The following ZNF266 variants were observed in gnomAD, a reference collection of about 807,000 sequenced individuals.
ZNF266 encodes the protein zinc finger protein 1.
A neutral mutation model predicts 16.4 loss-of-function variants in ZNF266; 16 were observed. The observed-to-expected ratio is 0.98, with a 90% CI of 0.66 to 1.48. The LOEUF (loss-of-function observed/expected upper bound fraction) is 1.48, where lower values mean the gene tolerates loss of function less well. Among genes scored for constraint, ZNF266 ranks in the 40% most tolerant of loss-of-function variants. The pLI, the probability that ZNF266 is intolerant of heterozygous loss-of-function variation, is 0.00. For synonymous variants in ZNF266, 262 were observed against 237.9 expected (o/e 1.10, Z -0.93); for missense variants, 738 against 689.1 (o/e 1.07, Z -0.79).
chr19:9,432,214 C>T (rs988997924), intron 5 of ZNF266, among the ~76,000 whole-genome samples: 1 of 152,220 alleles, frequency 6.6e-6, no homozygotes, highest in Non-Finnish European at 1.5e-5. Flanking sequence ...CCACCTTGGC[C>T]TCCCAAAGTG....
At chr19:9,432,355 G>C (rs2071742051) in intron 5 of ZNF266, among the ~76,000 whole-genome samples, 1 of 152,078 alleles carries the variant, frequency 6.6e-6, no homozygotes, top group African/African-American at 2.4e-5. Context: ...TTTTGAAATT[G>C]GTTTGCCAAT....
intron 8 of ZNF266, 142 bp downstream of exon 8, chr19:9,418,363 A>C: frequency 1.2e-6 from 1 of 860,000 alleles, no homozygotes. Context: ...GAGAATCACC[A>C]AGTAGATGAA....
intron 5 of ZNF266, among the ~76,000 whole-genome samples, chr19:9,426,031 A>G (rs983029045): frequency 2.0e-5 from 3 of 152,146 alleles, no homozygotes; most frequent in African/African-American, 7.2e-5. Flanking sequence ...TCCCACTCTG[A>G]CAACAGTAGC....
rs2068459533 is a variant in ZNF266 at position 9,413,025 on chromosome 19, TC to T, written c.*249del. 1.8e-5 allele frequency: 9 copies of T among 514,222 alleles called. No homozygotes were observed. The South Asian group carries it at 2.7e-4, about 15-fold the overall frequency. The allele number at this position is 514,222 out of a possible 1,614,324, so 31.9% of individuals were successfully genotyped here. The stretch of plus-strand genomic sequence containing the variant: ...AGGTTTGTGGGATTCAGAAAGGTAT[TC>T]CCAGATTCTCTACATTCATACAGTT... On this transcript the variant is annotated 3_prime_UTR_variant, in exon 11 of 11. Transcript: ENST00000592904.
intron 5 of ZNF266, among the ~76,000 whole-genome samples, chr19:9,425,389 T>C (rs1213954269): frequency 6.6e-6 from 1 of 152,110 alleles, no homozygotes; most frequent in Admixed American, 6.5e-5. Context: ...TGCTGCCTCC[T>C]CTACATCTTG....
At chr19:9,428,752 T>A (rs1042970758) in intron 5 of ZNF266, among the ~76,000 whole-genome samples, 3 of 149,974 alleles carry the variant, frequency 2.0e-5, no homozygotes, top group Non-Finnish European at 4.4e-5. Flanking sequence ...ATCTCTTGTC[T>A]GACAGATACC....
At position 9,414,252 on chromosome 19, in the gene ZNF266, C is replaced by A. The variant is rs965175898; in HGVS notation, c.874G>T (p.Ala292Ser). The change falls in exon 11 of 11, where the codon GCA becomes TCA. Residue 292 changes from alanine (A) to serine (S), a missense_variant. Physicochemically the swap from Ala to Ser is moderately conservative, Grantham distance 99 (BLOSUM62 1). Coordinates refer to ENST00000592904, the MANE Select transcript of ZNF266 (RefSeq NM_001370374.1). ...GTTCCCATGTGAATATTAAGGTATG[C>A]AGAATATCTAAATCCTTTTCCACAT... is the stretch of plus-strand genomic sequence containing the variant. ...KECGKGFRYS[A>S]YLNIHMGTHT... 4 of 1,613,990 alleles carry A rather than the reference C, an allele frequency of 2.5e-6. No individual in the cohort carries two copies. The African/African-American group carries it at 5.3e-5, about 22-fold the overall frequency.
At chr19:9,430,581 T>C (rs997677135) in intron 5 of ZNF266, among the ~76,000 whole-genome samples, 1 of 152,208 alleles carries the variant, frequency 6.6e-6, no homozygotes, top group Non-Finnish European at 1.5e-5. Flanking sequence ...CATCTATTTT[T>C]AGGCCTGACA....
chr19:9,428,475 T>C (rs953660329), intron 5 of ZNF266, among the ~76,000 whole-genome samples: 2 of 152,196 alleles, frequency 1.3e-5, no homozygotes, highest in African/African-American at 2.4e-5. Context: ...TGGGAGTTCA[T>C]AGACTGTGCA....
chr19:9,413,091 A>C lies in ZNF266; in HGVS notation c.*184T>G, dbSNP rs2068465468. On this transcript the variant is annotated 3_prime_UTR_variant, in exon 11 of 11. Coordinates refer to ENST00000592904, the MANE Select transcript of ZNF266 (RefSeq NM_001370374.1). ...TTTCTGATGTGTTTGGTAAGGCTTGAGAATTCAGCAAAGTCATTTCCACAT... is the reference window on the plus strand; with the variant it reads ...TTTCTGATGTGTTTGGTAAGGCTTGCGAATTCAGCAAAGTCATTTCCACAT... 1 of 677,268 alleles carries C rather than the reference A, an allele frequency of 1.5e-6. No individual in the cohort carries two copies. The highest frequency in any genetic ancestry group is 2.4e-6 in the Non-Finnish European group (1 of 424,770). The allele number at this position is 677,268 out of a possible 1,614,324, so 42.0% of individuals were successfully genotyped here.
In ZNF266 at chr19:9,412,768, G is replaced by A. The variant is rs2068441013; in HGVS notation, c.*507C>T. 1 of 154,744 alleles carries A rather than the reference G, an allele frequency of 6.5e-6. No homozygotes were observed. Among genetic ancestry groups the A allele is most frequent in the African/African-American group, 2.4e-5 (1 of 41,476 alleles). The allele number at this position is 154,744 out of a possible 1,614,324, so 9.6% of individuals were successfully genotyped here. A position where few individuals can be genotyped will look rare whatever the true frequency, so the allele number is the denominator to read the frequency against. ...GGTGGATCCACACAGTCTTCTCCATGTGTATCCTTCCTTCAGTTTCCCTTA... is the reference window on the plus strand; with the variant it reads ...GGTGGATCCACACAGTCTTCTCCATATGTATCCTTCCTTCAGTTTCCCTTA... On this transcript the variant is annotated 3_prime_UTR_variant, in exon 11 of 11. Coordinates refer to ENST00000592904, the MANE Select transcript of ZNF266 (RefSeq NM_001370374.1).
chr19:9,428,177 A>C (rs1037459063), intron 5 of ZNF266, among the ~76,000 whole-genome samples: 4 of 152,260 alleles, frequency 2.6e-5, no homozygotes, highest in East Asian at 1.9e-4. Flanking sequence ...GCTCTCCTGG[A>C]AACAGAGGAT....
chr19:9,416,625 A>G lies in ZNF266; in HGVS notation c.317-883T>C, dbSNP rs369678302. ...GTGATCCTCCCACCTCGGCCTCCCA[A>G]AGTTCTGGGATTACAGACGTGAGCC... On this transcript the variant is annotated intron_variant, in intron 9 of 10. Transcript: ENST00000592904. 3.8e-4 allele frequency among the ~76,000 whole-genome samples: 57 copies of G among 148,522 alleles called. No individual in the cohort carries two copies. The South Asian group carries it at 0.011, about 29-fold the overall frequency.
chr19:9,424,785 T>C (rs2070482546), intron 5 of ZNF266, among the ~76,000 whole-genome samples: 1 of 152,214 alleles, frequency 6.6e-6, no homozygotes, highest in African/African-American at 2.4e-5. Flanking sequence ...GTAATTGACA[T>C]GGCGTGCCAT....
intron 5 of ZNF266, among the ~76,000 whole-genome samples, chr19:9,422,075 T>C (rs1483692402): frequency 6.6e-6 from 1 of 152,154 alleles, no homozygotes; most frequent in South Asian, 2.1e-4. Context: ...ATGGTCTCGA[T>C]CTCCTGACTT....
At chr19:9,421,444 T>A (rs904863973) in intron 5 of ZNF266, among the ~76,000 whole-genome samples, 3 of 152,226 alleles carry the variant, frequency 2.0e-5, no homozygotes, top group African/African-American at 7.2e-5. Flanking sequence ...ATCTTAGGTA[T>A]TCAGTGGATG....
chr19:9,418,614 A>T lies in ZNF266; in HGVS notation c.126T>A (p.Asp42Glu), dbSNP rs2069412808. Residue 42 changes from aspartate (D) to glutamate (E), a missense_variant, in exon 8 of 11, where the codon GAT (aspartate) becomes GAA (glutamate). Asp to Glu is a conservative substitution (Grantham distance 45). Transcript: ENST00000592904. ...TNCYQDSVTFDDLAVDFTPEE... is the reference protein window; with the variant it reads ...TNCYQDSVTFEDLAVDFTPEE... ...CTGGGGTGAAGTCCACAGCCAGATC[A>T]TCAAAAGTCACTGAATCCTAAACCA... 4 of 1,497,174 alleles carry T rather than the reference A, an allele frequency of 2.7e-6. No homozygotes were observed. Among genetic ancestry groups the T allele is most frequent in the Non-Finnish European group, 3.7e-6 (4 of 1,073,632 alleles). 92.7% of individuals were successfully genotyped at this position (1,497,174 alleles called of 1,614,324 possible).
chr19:9,412,788 C>T lies in ZNF266; in HGVS notation c.*487G>A, dbSNP rs2068442039. ...TCCATGTGTATCCTTCCTTCAGTTT[C>T]CCTTATAGGGACACCAGTGATGTCA... On this transcript the variant is annotated 3_prime_UTR_variant, in exon 11 of 11. Transcript: ENST00000592904. 1 of 156,010 alleles carries T rather than the reference C, an allele frequency of 6.4e-6. No individual in the cohort carries two copies. Among genetic ancestry groups the T allele is most frequent in the Non-Finnish European group, 1.4e-5 (1 of 70,494 alleles). 9.7% of individuals were successfully genotyped at this position (156,010 alleles called of 1,614,324 possible).
intron 5 of ZNF266, among the ~76,000 whole-genome samples, chr19:9,421,223 C>A (rs1464214134): frequency 2.0e-5 from 3 of 152,128 alleles, no homozygotes; most frequent in Admixed American, 6.6e-5. Flanking sequence ...AGCCTTTATT[C>A]TATGAATGAG....
Sources: allele counts gnomAD v4.1 joint callset (sites outside exome capture counted in the v4.1 genomes callset), GRCh38; gene constraint gnomAD v4.1.1; transcripts MANE v1.5; gene names NCBI Gene and HGNC (gene_info 2026-07-23, HGNC 2026-07-21).